Variants in SND1 observed in about 807,000 individuals in gnomAD.
The protein encoded by SND1 is staphylococcal nuclease domain-containing protein 1.
In SND1, 38 loss-of-function variants were observed where a neutral mutation model predicts 121.7. The observed-to-expected ratio is 0.31, with a 90% CI of 0.24 to 0.41. The LOEUF (loss-of-function observed/expected upper bound fraction) is 0.41. SND1 is among the 10% of genes least tolerant of loss of function. The pLI is 1.00. For synonymous variants in SND1, 401 were observed against 447.4 expected (o/e 0.90, Z 1.31); for missense variants, 868 against 1,184.6 (o/e 0.73, Z 3.92).
Position 127,858,441 on chromosome 7 carries a change from T to C in SND1, c.1343+14017T>C. ...GCACTCACTGGGGTCTGGCCCAAGC[T>C]GTCCTCCTCTTCCAAGTCTGAGGCC... On this transcript the variant is annotated intron_variant, in intron 12 of 23. Coordinates refer to ENST00000354725, the MANE Select transcript of SND1 (RefSeq NM_014390.4). The C allele has an allele frequency of 1.7e-5, 13 of 743,862 alleles. No homozygotes were observed. In the South Asian group the frequency reaches 2.0e-4, roughly 11 times the overall value. The allele number at this position is 743,862 out of a possible 1,614,324, so 46.1% of individuals were successfully genotyped here.
chr7:127,748,034 T>G (rs891416083), intron 10 of SND1, among the ~76,000 whole-genome samples: 1 of 152,240 alleles, frequency 6.6e-6, no homozygotes, highest in African/African-American at 2.4e-5. Context: ...GTTTCTGTCT[T>G]TCTTTTATGT....
intron 18 of SND1, chr7:128,081,918 A>G: frequency 1.9e-6 from 1 of 536,140 alleles, no homozygotes; most frequent in Non-Finnish European, 3.8e-6. Context: ...CCTCTGGGGG[A>G]GCAAGGAGTG....
At chr7:127,681,915 A>G (rs567834134) in intron 1 of SND1, among the ~76,000 whole-genome samples, 1 of 152,216 alleles carries the variant, frequency 6.6e-6, no homozygotes, top group Non-Finnish European at 1.5e-5. Context: ...CTACTATACT[A>G]TCTTAACTAG....
intron 16 of SND1, among the ~76,000 whole-genome samples, chr7:127,992,168 A>C (rs1008816169): frequency 6.6e-6 from 1 of 152,212 alleles, no homozygotes; most frequent in Non-Finnish European, 1.5e-5. Flanking sequence ...TGGGGGGCTT[A>C]ATTGTATCAT....
chr7:127,781,022 G>A (rs1024128494), intron 10 of SND1, among the ~76,000 whole-genome samples: 3 of 152,182 alleles, frequency 2.0e-5, no homozygotes, highest in Admixed American at 1.3e-4. Context: ...GACTAGGTTT[G>A]TTCTGCGGGA....
chr7:127,664,098 T>G (rs1304468992), intron 1 of SND1, among the ~76,000 whole-genome samples: 1 of 152,212 alleles, frequency 6.6e-6, no homozygotes, highest in Non-Finnish European at 1.5e-5. Context: ...CGACCACAAC[T>G]CGCTGCAGCC....
At chr7:127,735,614 G>GTT (rs921078360) in intron 10 of SND1, among the ~76,000 whole-genome samples, 2 of 151,130 alleles carry the variant, frequency 1.3e-5, no homozygotes, top group South Asian at 4.2e-4. Flanking sequence ...AGGGTGACCT[G>GTT]TTTTTTTTTG....
intron 10 of SND1, among the ~76,000 whole-genome samples, chr7:127,730,773 A>T (rs1796660759): frequency 6.6e-6 from 1 of 152,214 alleles, no homozygotes; most frequent in Middle Eastern, 3.2e-3. Context: ...GGTGTTAGAT[A>T]GTGTCTCATT....
intron 1 of SND1, among the ~76,000 whole-genome samples, chr7:127,671,192 A>C (rs1271189566): frequency 6.6e-6 from 1 of 152,222 alleles, no homozygotes; most frequent in Non-Finnish European, 1.5e-5. Context: ...AACAGCCTTT[A>C]GTATGTTTAG....
chr7:128,025,266 T>C (rs1214910680), intron 16 of SND1, among the ~76,000 whole-genome samples: 2 of 152,212 alleles, frequency 1.3e-5, no homozygotes, highest in Non-Finnish European at 2.9e-5. Context: ...AAGTATGTTC[T>C]TGATAGCCAA....
intron 14 of SND1, among the ~76,000 whole-genome samples, chr7:127,914,881 T>C (rs1800539699): frequency 6.6e-6 from 1 of 152,178 alleles, no homozygotes; most frequent in Non-Finnish European, 1.5e-5. Flanking sequence ...TGTACCTCAG[T>C]TTTCCCCTGT....
At chr7:127,807,815 C>G (rs1798263349) in intron 11 of SND1, among the ~76,000 whole-genome samples, 1 of 152,176 alleles carries the variant, frequency 6.6e-6, no homozygotes, top group Non-Finnish European at 1.5e-5. Flanking sequence ...AGGGTCCGGG[C>G]TCAACTCCAG....
chr7:127,852,760 G>A (rs1470225934), intron 12 of SND1, among the ~76,000 whole-genome samples: 1 of 151,546 alleles, frequency 6.6e-6, no homozygotes, highest in Non-Finnish European at 1.5e-5. Context: ...GCAGTGAGCC[G>A]AGAACACGCC....
intron 15 of SND1, among the ~76,000 whole-genome samples, chr7:127,957,005 G>A (rs188034120): frequency 1.3e-5 from 2 of 152,226 alleles, no homozygotes; most frequent in East Asian, 1.9e-4. Context: ...AATAGAGACC[G>A]TTTCCCTAAA....
intron 10 of SND1, among the ~76,000 whole-genome samples, chr7:127,739,722 A>G (rs1042561426): frequency 2.6e-5 from 4 of 152,200 alleles, no homozygotes; most frequent in Non-Finnish European, 5.9e-5. Context: ...CCACATTCCA[A>G]GTTGGACTTG....
chr7:128,072,996 T>TA (rs752715415), intron 16 of SND1, among the ~76,000 whole-genome samples: 26 of 152,202 alleles, frequency 1.7e-4, no homozygotes, highest in Non-Finnish European at 3.1e-4. Flanking sequence ...GGCCAGCACT[T>TA]ACGCCCAGAC....
chr7:128,025,738 C>G (rs1803461042), intron 16 of SND1, among the ~76,000 whole-genome samples: 1 of 152,122 alleles, frequency 6.6e-6, no homozygotes, highest in South Asian at 2.1e-4. Context: ...AAGGGCAGGC[C>G]TACTGGGGTA....
intron 1 of SND1, among the ~76,000 whole-genome samples, chr7:127,653,051 C>T (rs961514400): frequency 6.6e-6 from 1 of 152,270 alleles, no homozygotes. Flanking sequence ...TCTCCCGTCC[C>T]TTAAAGATAA....
chr7:128,069,612 A>C (rs1480818898), intron 16 of SND1, among the ~76,000 whole-genome samples: 1 of 152,222 alleles, frequency 6.6e-6, no homozygotes, highest in Non-Finnish European at 1.5e-5. Context: ...AGACATTTAG[A>C]AATGAAATAA....
Sources: gnomAD v4.1 joint callset for allele counts (sites outside exome capture counted in the v4.1 genomes callset) on GRCh38, gnomAD v4.1.1 for gene constraint, MANE v1.5 for transcripts, NCBI Gene and HGNC (gene_info 2026-07-23, HGNC 2026-07-21) for gene names.